UPF2: variants seen among roughly 807,000 people sequenced by gnomAD.
UPF2 encodes the protein regulator of nonsense transcripts 2.
UPF2 carries 17 observed loss-of-function variants against 141.4 expected under a neutral mutation model. That is an observed-to-expected ratio of 0.12 (90% CI 0.08 to 0.18). The LOEUF is 0.18. Ranked by LOEUF, UPF2 falls within the 10% of genes least tolerant of loss-of-function variation. UPF2 has a pLI of 1.00. For synonymous variants in UPF2, 540 were observed against 498.0 expected (o/e 1.08, Z -1.12); for missense variants, 1,152 against 1,515.9 (o/e 0.76, Z 3.99).
chr10:11,942,299 G>A (rs1358350279), intron 18 of UPF2, among the ~76,000 whole-genome samples: 2 of 152,186 alleles, frequency 1.3e-5, no homozygotes, highest in Non-Finnish European at 2.9e-5. Context: ...CTTGAACCCA[G>A]GAGGCAGAGG....
Position 12,042,699 on chromosome 10 carries a change from GC to G in UPF2, c.-19+55del, listed in dbSNP as rs1239154991. On this transcript the variant is annotated intron_variant, in intron 1 of 21. Coordinates refer to ENST00000357604, the MANE Select transcript of UPF2 (RefSeq NM_015542.4). This position sits in a 1 kb window ranked among gnomAD's most constrained non-coding sequence, Gnocchi z 5.5. ...TAGGAGTCTAGGCCGGTGCCCCCCAGCCCCATTTCCTCCCGATCGTTGGAGC... is the reference window on the plus strand; with the variant it reads ...TAGGAGTCTAGGCCGGTGCCCCCCAGCCCATTTCCTCCCGATCGTTGGAGC... 6.6e-6 allele frequency: 1 copy of G among 152,550 alleles called. No individual in the cohort carries two copies. The highest frequency in any genetic ancestry group is 2.4e-5 in the African/African-American group (1 of 41,416). The allele number at this position is 152,550 out of a possible 1,614,324, so 9.4% of individuals were successfully genotyped here.
chr10:12,004,406 C>G, intron 5 of UPF2, 124 bp downstream of exon 5: 1 of 714,884 alleles, frequency 1.4e-6, no homozygotes, highest in Non-Finnish European at 2.2e-6. Context: ...CTCATTTACT[C>G]TAATGACTCA....
intron 9 of UPF2, 118 bp downstream of exon 9, chr10:11,978,939 A>C (rs1833550438): frequency 1.3e-6 from 1 of 765,908 alleles, no homozygotes. Context: ...CGTAAATTCT[A>C]AACTGTTATA....
chr10:12,006,328 A>G (rs1420218171), intron 4 of UPF2, among the ~76,000 whole-genome samples: 1 of 152,274 alleles, frequency 6.6e-6, no homozygotes, highest in Non-Finnish European at 1.5e-5. Context: ...TCATAAACTC[A>G]GAACACTGAA....
intron 13 of UPF2, 111 bp from the exon 14 acceptor site, chr10:11,955,618 T>G: frequency 9.3e-7 from 1 of 1,079,132 alleles, no homozygotes; most frequent in Non-Finnish European, 1.3e-6. Flanking sequence ...GAACACTGAA[T>G]AGAGAAATGA....
chr10:12,040,708 C>T (rs1043319266), intron 1 of UPF2, among the ~76,000 whole-genome samples: 1 of 152,208 alleles, frequency 6.6e-6, no homozygotes, highest in African/African-American at 2.4e-5. Flanking sequence ...TGCATCCCAA[C>T]TCTGCAGCCT....
At chr10:11,976,931 T>C (rs996559683) in intron 9 of UPF2, among the ~76,000 whole-genome samples, 1 of 152,228 alleles carries the variant, frequency 6.6e-6, no homozygotes, top group African/African-American at 2.4e-5. Context: ...CCCCACCTGG[T>C]AGACATGGAA....
In UPF2 at chr10:11,936,647, G is replaced by A. The variant is rs35196609; in HGVS notation, c.3444C>T (p.Ser1148=). ...LDVAIPLHLK[S]QLRKGPPLGG... is the part of the protein sequence containing the mutation. Reference sequence around the variant, plus strand: ...CCAGTGGGGGCCCTTTCCTCAGCTGGCTTTTGAGATGCAAAGGAATGGCAA... The same window carrying A: ...CCAGTGGGGGCCCTTTCCTCAGCTGACTTTTGAGATGCAAAGGAATGGCAA... The change falls in exon 19 of 22, where the codon AGC becomes AGT. Residue 1148 remains serine, a synonymous_variant. Coordinates refer to ENST00000357604, the MANE Select transcript of UPF2 (RefSeq NM_015542.4). The surrounding 1 kb of genome is among the most constrained non-coding windows in gnomAD (Gnocchi z 6.6). 1.2e-6 allele frequency: 2 copies of A among 1,613,242 alleles called. No individual in the cohort carries two copies. The highest frequency in any genetic ancestry group is 2.2e-5 in the East Asian group (1 of 44,844).
At position 11,920,902 on chromosome 10, in the gene UPF2, C is replaced by T; in HGVS notation, c.*396G>A. On this transcript the variant is annotated 3_prime_UTR_variant, in exon 22 of 22. Transcript: ENST00000357604. ...AATTCAGAGACACTGAAACTCAAAT[C>T]AAGTTTAAAGCTCAAGTTCATTTCC... 9.4e-6 allele frequency: 4 copies of T among 427,366 alleles called. No individual in the cohort carries two copies. The highest frequency in any genetic ancestry group is 6.9e-5 in the South Asian group (4 of 57,826). The allele number at this position is 427,366 out of a possible 1,614,324, so 26.5% of individuals were successfully genotyped here. A position where few individuals can be genotyped will look rare whatever the true frequency, so the allele number is the denominator to read the frequency against.
chr10:11,944,886 C>T (rs1832981573), intron 16 of UPF2, among the ~76,000 whole-genome samples: 1 of 152,206 alleles, frequency 6.6e-6, no homozygotes, highest in Admixed American at 6.5e-5. Flanking sequence ...GGAACAGTGT[C>T]GCAAAAGGCA....
At chr10:11,932,337 C>T (rs1353484465) in intron 19 of UPF2, among the ~76,000 whole-genome samples, 1 of 151,834 alleles carries the variant, frequency 6.6e-6, no homozygotes. Context: ...GATGATGGTA[C>T]TAATCACAAT....
chr10:12,001,907 A>C, intron 5 of UPF2, 82 bp from the exon 6 acceptor site: 2 of 1,302,346 alleles, frequency 1.5e-6, no homozygotes, highest in Admixed American at 6.4e-5. Context: ...GACTCACAAA[A>C]TCTGCAGGTT....
chr10:11,993,024 C>G (rs972960919), intron 8 of UPF2, among the ~76,000 whole-genome samples: 1 of 151,836 alleles, frequency 6.6e-6, no homozygotes, highest in East Asian at 1.9e-4. Flanking sequence ...GTGGTACACG[C>G]GTGAAATCCC....
At chr10:12,036,991 C>T (rs891897959) in intron 1 of UPF2, among the ~76,000 whole-genome samples, 6 of 152,100 alleles carry the variant, frequency 3.9e-5, no homozygotes. Context: ...CGCCATTGGA[C>T]TCCAGCCTGG....
chr10:11,971,108 T>C (rs979333402), intron 9 of UPF2, among the ~76,000 whole-genome samples: 1 of 152,078 alleles, frequency 6.6e-6, no homozygotes, highest in Non-Finnish European at 1.5e-5. Flanking sequence ...AAAGATAAAA[T>C]TATACAACAT....
In UPF2 at chr10:11,997,662, TA is replaced by T; in HGVS notation, c.1844+9del. ...AAAACACTAATAAATTTCTCTTTCA[TA>T]ACACTTACCTTTGTCTAGGAACTAT... On this transcript the variant is annotated intron_variant, in intron 8 of 21. Transcript: ENST00000357604. 1 of 1,612,720 alleles carries T rather than the reference TA, an allele frequency of 6.2e-7. No homozygotes were observed. Among genetic ancestry groups the T allele is most frequent in the Non-Finnish European group, 8.5e-7 (1 of 1,179,098 alleles).
intron 9 of UPF2, among the ~76,000 whole-genome samples, chr10:11,975,009 C>T (rs1833482930): frequency 6.6e-6 from 1 of 152,158 alleles, no homozygotes; most frequent in Non-Finnish European, 1.5e-5. Context: ...ATATAGTCAA[C>T]TTATTTTAAC....
intron 14 of UPF2, among the ~76,000 whole-genome samples, chr10:11,954,708 G>T (rs1409913072): frequency 6.7e-6 from 1 of 148,432 alleles, no homozygotes; most frequent in East Asian, 1.9e-4. Flanking sequence ...GGGCGCGATG[G>T]TTCATGCCTG....
intron 14 of UPF2, among the ~76,000 whole-genome samples, 185 bp downstream of exon 14, chr10:11,955,047 G>A (rs962121581): frequency 6.6e-6 from 1 of 151,890 alleles, no homozygotes; most frequent in Non-Finnish European, 1.5e-5. Flanking sequence ...CAATGAGAAT[G>A]TTCATACAAT....
Sources: allele counts gnomAD v4.1 joint callset (sites outside exome capture counted in the v4.1 genomes callset), GRCh38; gene constraint gnomAD v4.1.1; non-coding constraint Gnocchi (gnomAD v3.1); transcripts MANE v1.5; gene names NCBI Gene and HGNC (gene_info 2026-07-23, HGNC 2026-07-21).